MGAM: variants seen among roughly 807,000 people sequenced by gnomAD.
MGAM encodes the protein alpha-1,4-glucosidase.
MGAM carries 253 observed loss-of-function variants against 358.8 expected under a neutral mutation model. The observed-to-expected ratio is 0.71, with a 90% CI of 0.64 to 0.78. MGAM has a LOEUF of 0.78. Among genes scored for constraint, MGAM ranks in the 30% least tolerant of loss-of-function variants. MGAM has a pLI of 0.00. For missense variants in MGAM, 3,080 were observed against 3,432.6 expected (o/e 0.90, Z 2.57); for synonymous variants, 1,105 against 1,227.1 (o/e 0.90, Z 2.08).
At position 142,038,588 on chromosome 7, in the gene MGAM, C is replaced by A; in HGVS notation, c.2289C>A (p.Gly763=). ...ACCAACAGTTCTTATGGGGGCCCGG[C>A]CTCCTCATCACTCCAGTTCTGGATG... The part of the protein sequence containing the change: ...DVHQQFLWGP[G]LLITPVLDEG... The change falls in exon 19 of 71, where the codon GGC becomes GGA. Residue 763 remains glycine, a synonymous_variant. Coordinates refer to ENST00000475668, the MANE Select transcript of MGAM (RefSeq NM_001365693.1). 1 of 1,611,156 alleles carries A rather than the reference C, an allele frequency of 6.2e-7. No homozygotes were observed. Among genetic ancestry groups the A allele is most frequent in the Non-Finnish European group, 8.5e-7 (1 of 1,178,622 alleles).
chr7:142,029,756 A>C (rs1014273863), intron 10 of MGAM, among the ~76,000 whole-genome samples: 1 of 152,226 alleles, frequency 6.6e-6, no homozygotes, highest in African/African-American at 2.4e-5. Flanking sequence ...AAATTTAACA[A>C]GAGATGCAAA....
Position 142,038,425 on chromosome 7 carries a change from T to G in MGAM, c.2232-106T>G, listed in dbSNP as rs1808196115. ...CACAGAATAATTTGGGGGGTTTGCCTGGGCAGACGGCCTGCATGCTTTCAA... is the reference window on the plus strand; with the variant it reads ...CACAGAATAATTTGGGGGGTTTGCCGGGGCAGACGGCCTGCATGCTTTCAA... On this transcript the variant is annotated intron_variant, in intron 18 of 70. Coordinates refer to ENST00000475668, the MANE Select transcript of MGAM (RefSeq NM_001365693.1). 5.9e-6 allele frequency: 5 copies of G among 840,380 alleles called. No homozygotes were observed. In the Admixed American group the frequency reaches 1.2e-4, roughly 20 times the overall value. 52.1% of individuals were successfully genotyped at this position (840,380 alleles called of 1,614,324 possible).
intron 22 of MGAM, among the ~76,000 whole-genome samples, chr7:142,049,183 C>A (rs1007093138): frequency 6.6e-6 from 1 of 152,126 alleles, no homozygotes; most frequent in African/African-American, 2.4e-5. Flanking sequence ...TTGCAAATGG[C>A]AGAATTTTCT....
upstream of MGAM, among the ~76,000 whole-genome samples, chr7:141,993,341 A>G (rs1554447733): frequency 2.0e-5 from 3 of 152,256 alleles, no homozygotes; most frequent in South Asian, 6.2e-4. Context: ...TTGTAAAATT[A>G]AAACTAAATT....
chr7:142,055,757 C>T lies in MGAM; in HGVS notation c.3483+31C>T, dbSNP rs772275887. 3.7e-6 allele frequency: 6 copies of T among 1,611,744 alleles called. No homozygotes were observed. In the East Asian group the frequency reaches 1.3e-4, roughly 36 times the overall value. ...GACAGAGCATTTGGGATCTGTGTCT[C>T]TGCTTCTCTCCACCCACACTGCTCA... On this transcript the variant is annotated intron_variant, in intron 28 of 70. Coordinates refer to ENST00000475668, the MANE Select transcript of MGAM (RefSeq NM_001365693.1).
intron 26 of MGAM, among the ~76,000 whole-genome samples, chr7:142,053,379 G>A (rs534218869): frequency 2.2e-4 from 34 of 152,122 alleles, no homozygotes; most frequent in Non-Finnish European, 4.1e-4. Flanking sequence ...CAATGGAGAT[G>A]GAACATCAAG....
intron 2 of MGAM, among the ~76,000 whole-genome samples, chr7:141,988,792 G>T (rs557433830): frequency 6.6e-6 from 1 of 152,288 alleles, no homozygotes; most frequent in Non-Finnish European, 1.5e-5. Context: ...ACGGTGTAAA[G>T]CTGCTAAATA....
chr7:142,062,825 A>G (rs62477625), intron 35 of MGAM, 123 bp downstream of exon 35: 761,437 of 1,481,894 alleles, frequency 0.51, 198,722 homozygotes, highest in Non-Finnish European at 0.55. Context: ...TGGACATAGC[A>G]GACACTTCTT....
At chr7:142,040,932 G>A (rs1375296936) in intron 21 of MGAM, 86 bp downstream of exon 21, 46 of 1,474,132 alleles carry the variant, frequency 3.1e-5, no homozygotes, top group Non-Finnish European at 3.9e-5. Flanking sequence ...TAACAGCCAG[G>A]TGGTCAGCCT....
At chr7:142,045,153 GT>G (rs1809921021) in intron 21 of MGAM, among the ~76,000 whole-genome samples, 1 of 57,958 alleles carries the variant, frequency 1.7e-5, no homozygotes, top group African/African-American at 7.0e-5. Context: ...TATCATATAT[GT>G]GATATATAAT....
At chr7:142,038,741 T>G in intron 19 of MGAM, 126 bp downstream of exon 19, 1 of 613,294 alleles carries the variant, frequency 1.6e-6, no homozygotes, top group Non-Finnish European at 2.6e-6. Context: ...TTGAAGAGAG[T>G]GTGCTAGGTT....
At position 142,005,664 on chromosome 7, in the gene MGAM, A is replaced by T; in HGVS notation, c.127+7A>T. ...GAGTCACTGAAATCAACAGGTAAGA[A>T]GTAACTCTGGGGCTCTCTCCATATG... On this transcript the variant is annotated splice_region_variant and intron_variant, in intron 2 of 70. Coordinates refer to ENST00000475668, the MANE Select transcript of MGAM (RefSeq NM_001365693.1). 3.7e-6 allele frequency: 6 copies of T among 1,600,540 alleles called. No homozygotes were observed. Among genetic ancestry groups the T allele is most frequent in the Non-Finnish European group, 5.1e-6 (6 of 1,172,976 alleles).
In MGAM at chr7:142,091,970, T is replaced by G; in HGVS notation, c.6868T>G (p.Trp2290Gly). Residue 2290 changes from tryptophan to glycine, a missense_variant, in exon 58 of 71, where the codon TGG becomes GGG. By Grantham distance (184) the Trp-to-Gly change is radical (BLOSUM62 -2). Around this residue, in one of 5 missense-constraint regions of MGAM, gnomAD observed 932 missense variants for 1,198.2 expected, o/e 0.78. Coordinates refer to ENST00000475668, the MANE Select transcript of MGAM (RefSeq NM_001365693.1). ...DFFRNSTAKW[W>G]KREIEELYNN... ...TTTCCGTAATTCAACTGCCAAGTGGTGGAAGAGGGAAATAGAAGAACTATA... is the reference window on the plus strand; with the variant it reads ...TTTCCGTAATTCAACTGCCAAGTGGGGGAAGAGGGAAATAGAAGAACTATA... 4.6e-6 allele frequency: 7 copies of G among 1,538,336 alleles called. No homozygotes were observed. Among genetic ancestry groups the G allele is most frequent in the Non-Finnish European group, 6.2e-6 (7 of 1,120,646 alleles).
chr7:142,084,574 G>A lies in MGAM; in HGVS notation c.6437G>A (p.Arg2146His), dbSNP rs750028830. The A allele has an allele frequency of 1.7e-5, 27 of 1,556,062 alleles. 5 individuals carry two copies. The highest frequency in any genetic ancestry group is 2.1e-5 in the Non-Finnish European group (24 of 1,132,672). The change falls in exon 54 of 71, where the codon CGC (arginine) becomes CAC (histidine). Residue 2146 changes from arginine (R) to histidine (H), a missense_variant. This residue lies in a region of MGAM where 932 missense variants were observed against 1,198.2 expected (regional missense o/e 0.78). Transcript: ENST00000475668. ...TGGTCTTTGGGGTTCCAGCTGTGTC[G>A]CTATGGCTACCAGAACGACTCTGAG... ...PYWSLGFQLC[R>H]YGYQNDSEIS...
At position 142,037,936 on chromosome 7, in the gene MGAM, G is replaced by A. The variant is rs550815242; in HGVS notation, c.2232-595G>A. 8.5e-5 allele frequency among the ~76,000 whole-genome samples: 13 copies of A among 152,188 alleles called. No individual in the cohort carries two copies. In the South Asian group the frequency reaches 2.1e-3, roughly 24 times the overall value. On this transcript the variant is annotated intron_variant, in intron 18 of 70. Transcript: ENST00000475668. ...CTCTTTAAGTTACTTTTAAATGTAC[G>A]ATTAAGTTATTATTGACTATAGTCA...
intron 35 of MGAM, 143 bp from the exon 36 acceptor site, chr7:142,063,356 A>G: frequency 1.0e-6 from 1 of 955,284 alleles, no homozygotes; most frequent in Admixed American, 2.1e-5. Flanking sequence ...GCCAGTTCTC[A>G]CCAGGATTTG....
intron 21 of MGAM, among the ~76,000 whole-genome samples, chr7:142,045,224 ATATATATTATATAT>A (rs1563156997): frequency 5.0e-5 from 1 of 20,030 alleles, no homozygotes; most frequent in East Asian, 1.3e-3. Context: ...TATGTATATA[ATATATATTATATAT>A]CATATAATAT....
chr7:142,063,656 C>G, intron 36 of MGAM, 70 bp downstream of exon 36: 1 of 1,530,408 alleles, frequency 6.5e-7, no homozygotes, highest in Non-Finnish European at 8.9e-7. Context: ...AGCCCGAGGC[C>G]AGGGGCAGCC....
At chr7:142,099,823 T>G in intron 67 of MGAM, 86 bp downstream of exon 67, 4 of 1,538,142 alleles carry the variant, frequency 2.6e-6, no homozygotes, top group Non-Finnish European at 3.5e-6. Context: ...AGCATCACTC[T>G]CAAACCCACA....
Sources: allele counts gnomAD v4.1 joint callset (sites outside exome capture counted in the v4.1 genomes callset), GRCh38; gene constraint gnomAD v4.1.1; regional missense constraint gnomAD v4.1.1; transcripts MANE v1.5; gene names NCBI Gene and HGNC (gene_info 2026-07-23, HGNC 2026-07-21).